The following ATM variants were observed in gnomAD, a reference collection of about 807,000 sequenced individuals.
ATM encodes ATM serine/threonine kinase, also known as serine-protein kinase ATM.
In ATM, 308 loss-of-function variants were observed where a neutral mutation model predicts 387.0. The observed-to-expected ratio is 0.80, with a 90% CI of 0.73 to 0.87. ATM has a LOEUF of 0.87. Ranked by LOEUF, ATM falls within the 40% of genes least tolerant of loss-of-function variation. The pLI is 0.00. For missense variants in ATM, 3,312 were observed against 3,560.9 expected, an observed-to-expected ratio of 0.93 and a Z score of 1.78; for synonymous variants, 1,156 against 1,187.3, an observed-to-expected ratio of 0.97 and a Z score of 0.54.
At chr11:108,257,162 C>T (rs1052967076) in intron 14 of ATM, among the ~76,000 whole-genome samples, 4 of 152,210 alleles carry the variant, frequency 2.6e-5, no homozygotes, top group African/African-American at 4.8e-5. Context: ...TGTTTCTCCA[C>T]ATCCTGTCCA....
chr11:108,269,177 T>C (rs770144169), intron 18 of ATM, among the ~76,000 whole-genome samples: 1 of 152,232 alleles, frequency 6.6e-6, no homozygotes, highest in Non-Finnish European at 1.5e-5. Flanking sequence ...CACTTCTGTT[T>C]AGCCACAGTA....
In ATM at chr11:108,368,068, T is replaced by C. The variant is rs1192741829; in HGVS notation, c.*2560T>C. The C allele has an allele frequency of 9.6e-6, 2 of 208,176 alleles. No homozygotes were observed. Among genetic ancestry groups the C allele is most frequent in the Non-Finnish European group, 2.0e-5 (2 of 102,322 alleles). 12.9% of individuals were successfully genotyped at this position (208,176 alleles called of 1,614,324 possible). ...TGAATAACATCATTAATCTACTCTTTAGCCTTGCATGGTATGCTATGAGGC... is the reference window on the plus strand; with the variant it reads ...TGAATAACATCATTAATCTACTCTTCAGCCTTGCATGGTATGCTATGAGGC... On this transcript the variant is annotated 3_prime_UTR_variant, in exon 63 of 63. Transcript: ENST00000675843.
intron 22 of ATM, among the ~76,000 whole-genome samples, chr11:108,278,147 T>C (rs2082045379): frequency 2.0e-5 from 3 of 152,238 alleles, no homozygotes. Context: ...TGTTCAGCAG[T>C]CACATAAAGT....
intron 32 of ATM, chr11:108,296,999 C>A: frequency 2.7e-6 from 1 of 372,796 alleles, no homozygotes. Flanking sequence ...TTGAATGATT[C>A]TTGTGCTTCT....
intron 4 of ATM, among the ~76,000 whole-genome samples, chr11:108,235,168 A>G (rs985624336): frequency 6.6e-6 from 1 of 151,924 alleles, no homozygotes; most frequent in Non-Finnish European, 1.5e-5. Context: ...GTGGTGGTGC[A>G]CGCCTCTAGT....
chr11:108,237,976 G>GA (rs1321851047), intron 5 of ATM, among the ~76,000 whole-genome samples: 1 of 146,404 alleles, frequency 6.8e-6, no homozygotes, highest in Non-Finnish European at 1.5e-5. Flanking sequence ...GCCCAGGCTG[G>GA]AGTGCAGTGG....
chr11:108,320,575 T>C (rs2085132098), intron 44 of ATM, among the ~76,000 whole-genome samples: 1 of 152,222 alleles, frequency 6.6e-6, no homozygotes, highest in African/African-American at 2.4e-5. Context: ...TTAGACTCTT[T>C]TCATATGTAT....
Position 108,268,586 on chromosome 11 carries a change from AC to A in ATM, c.2817del (p.Lys940AsnfsTer9), listed in dbSNP as rs1555083435. On this transcript the variant is annotated frameshift_variant, in exon 18 of 63. Transcript: ENST00000675843. LOFTEE classifies it high-confidence loss of function. ...MLIDSSTLEPTKSLHLHMYLM... is the reference protein window; with the variant it reads ...MLIDSSTLEPXKSLHLHMYLM... Reference sequence around the variant, plus strand: ...AATTGATTCTAGCACGCTAGAACCTACCAAATCCCTCCACCTGCATATGGTG... The same window carrying A: ...AATTGATTCTAGCACGCTAGAACCTACAAATCCCTCCACCTGCATATGGTG... 3 of 1,614,040 alleles carry A rather than the reference AC, an allele frequency of 1.9e-6. No individual in the cohort carries two copies. The highest frequency in any genetic ancestry group is 1.7e-6 in the Non-Finnish European group (2 of 1,179,984).
chr11:108,346,512 TTAACTAAAGAC>T (rs1306183316), intron 58 of ATM: 1 of 152,186 alleles, frequency 6.6e-6, no homozygotes, highest in East Asian at 1.9e-4. Context: ...TTTTTTTTTT[TTAACTAAAGAC>T]AACTCCCTCC....
chr11:108,228,004 T>A (rs901386419), intron 3 of ATM, 116 bp downstream of exon 3: 1 of 846,792 alleles, frequency 1.2e-6, no homozygotes, highest in Non-Finnish European at 1.9e-6. Flanking sequence ...TATATATCAT[T>A]ATGCCTTGCA....
chr11:108,316,173 T>C (rs982996926), intron 42 of ATM, 60 bp downstream of exon 42: 2 of 1,438,442 alleles, frequency 1.4e-6, no homozygotes, highest in African/African-American at 2.8e-5. Flanking sequence ...GTTATTTCAG[T>C]ATGTTGGTGG....
In ATM at chr11:108,247,054, A is replaced by T. The variant is rs2079885179; in HGVS notation, c.992A>T (p.Lys331Met). 6.2e-7 allele frequency: 1 copy of T among 1,613,854 alleles called. No individual in the cohort carries two copies. The highest frequency in any genetic ancestry group is 2.2e-5 in the East Asian group (1 of 44,820). ...ATAAGTCATATAGGAAGTAGAGGAA[A>T]GTATTCTTCAGGATTTCGTAATATT... ...NEISHIGSRGKYSSGFRNIAV... is the reference protein window; with the variant it reads ...NEISHIGSRGMYSSGFRNIAV... The change falls in exon 8 of 63, where the codon AAG becomes ATG. Residue 331 changes from lysine to methionine, a missense_variant. This residue lies in a region of ATM where 1,791 missense variants were observed against 1,804.5 expected (regional missense o/e 0.99). Coordinates refer to ENST00000675843, the MANE Select transcript of ATM (RefSeq NM_000051.4).
intron 16 of ATM, among the ~76,000 whole-genome samples, chr11:108,260,617 A>T (rs2135435590): frequency 6.6e-6 from 1 of 152,276 alleles, no homozygotes; most frequent in East Asian, 1.9e-4. Context: ...TTAATATAAG[A>T]AATAATTTTG....
At chr11:108,329,667 G>C (rs971115644) in intron 49 of ATM, among the ~76,000 whole-genome samples, 3 of 152,038 alleles carry the variant, frequency 2.0e-5, no homozygotes, top group Admixed American at 2.0e-4. Flanking sequence ...CACCTTGGCC[G>C]CCCAAAGTGC....
rs2091405669 is a variant in ATM, at chr11:108,367,664, A to G, written c.*2156A>G. The G allele has an allele frequency of 4.7e-6, 1 of 212,906 alleles. No individual in the cohort carries two copies. The highest frequency in any genetic ancestry group is 1.9e-4 in the South Asian group (1 of 5,364). The allele number at this position is 212,906 out of a possible 1,614,324, so 13.2% of individuals were successfully genotyped here. On this transcript the variant is annotated 3_prime_UTR_variant, in exon 63 of 63. Coordinates refer to ENST00000675843, the MANE Select transcript of ATM (RefSeq NM_000051.4). Reference sequence around the variant, plus strand: ...AATTTTTTTCTTATGAAGAGTTGGCATTTCTTTTTATTGCCAATGGCAGGC... The same window carrying G: ...AATTTTTTTCTTATGAAGAGTTGGCGTTTCTTTTTATTGCCAATGGCAGGC...
chr11:108,257,682 T>C (rs1290266574), intron 15 of ATM, 76 bp downstream of exon 15: 1 of 1,416,328 alleles, frequency 7.1e-7, no homozygotes, highest in Admixed American at 1.8e-5. Context: ...TGCAGTGGGA[T>C]TGTCACAACT....
chr11:108,288,449 C>T (rs753051862), intron 27 of ATM, among the ~76,000 whole-genome samples: 12 of 149,768 alleles, frequency 8.0e-5, no homozygotes, highest in Non-Finnish European at 1.8e-4. Context: ...TGTATATGAA[C>T]ATCAGAGTTG....
In ATM at chr11:108,256,364, G is replaced by A. The variant is rs1481730668; in HGVS notation, c.2250+24G>A. 2.5e-6 allele frequency: 4 copies of A among 1,597,968 alleles called. No homozygotes were observed. The African/African-American group carries it at 5.4e-5, about 21-fold the overall frequency. On this transcript the variant is annotated intron_variant, in intron 14 of 62. Coordinates refer to ENST00000675843, the MANE Select transcript of ATM (RefSeq NM_000051.4). ...AGGTAGGAGAATTTATACTAATAAAGTTTCGGATAAATTTGAATGAAATGT... is the reference window on the plus strand; with the variant it reads ...AGGTAGGAGAATTTATACTAATAAAATTTCGGATAAATTTGAATGAAATGT...
intron 57 of ATM, among the ~76,000 whole-genome samples, chr11:108,343,899 T>C (rs2087935769): frequency 6.6e-6 from 1 of 152,252 alleles, no homozygotes; most frequent in African/African-American, 2.4e-5. Context: ...TAGTCTGATA[T>C]TCATTCGCTG....
Sources: allele counts gnomAD v4.1 joint callset (sites outside exome capture counted in the v4.1 genomes callset), GRCh38; gene constraint gnomAD v4.1.1; regional missense constraint gnomAD v4.1.1; transcripts MANE v1.5; gene names NCBI Gene and HGNC (gene_info 2026-07-23, HGNC 2026-07-21).